Variants in RAI14 observed in about 807,000 individuals in gnomAD.
RAI14 encodes ankycorbin.
In RAI14, 45 loss-of-function variants were observed where a neutral mutation model predicts 115.4. The observed-to-expected ratio is 0.39, with a 90% CI of 0.31 to 0.50. The LOEUF is 0.50. RAI14 is among the 20% of genes least tolerant of loss of function. RAI14 has a pLI of 0.85. For synonymous variants in RAI14, 371 were observed against 415.4 expected, an observed-to-expected ratio of 0.89 and a Z score of 1.30; for missense variants, 939 against 1,131.2, an observed-to-expected ratio of 0.83 and a Z score of 2.44.
intron 3 of RAI14, among the ~76,000 whole-genome samples, chr5:34,769,941 C>T (rs543395922): frequency 6.6e-6 from 1 of 152,122 alleles, no homozygotes; most frequent in African/African-American, 2.4e-5. Flanking sequence ...GTTGGCCAGG[C>T]TGGTCTTAAA....
chr5:34,700,197 T>C (rs1739881905), intron 2 of RAI14, among the ~76,000 whole-genome samples: 1 of 152,172 alleles, frequency 6.6e-6, no homozygotes, highest in Non-Finnish European at 1.5e-5. Context: ...TGTGAAGGTT[T>C]GGTGCACAGT....
chr5:34,721,291 G>GTA (rs10538679), intron 2 of RAI14, among the ~76,000 whole-genome samples: 18,946 of 129,534 alleles, frequency 0.15, 1,262 homozygotes, highest in East Asian at 0.22. Flanking sequence ...ATGTAGATGT[G>GTA]TATATATATA....
At chr5:34,829,021 T>A (rs2150315469) in intron 16 of RAI14, among the ~76,000 whole-genome samples, 1 of 152,270 alleles carries the variant, frequency 6.6e-6, no homozygotes, top group East Asian at 1.9e-4. Flanking sequence ...TTTCCATAAT[T>A]CAATAACTCT....
In RAI14 at chr5:34,764,953, G is replaced by A. The variant is rs1293741183; in HGVS notation, c.167+7355G>A. On this transcript the variant is annotated intron_variant, in intron 3 of 17. Coordinates refer to ENST00000265109, the MANE Select transcript of RAI14 (RefSeq NM_015577.3). ...TGGTGGGAGATAAGTTGAATCCTGG[G>A]GGCAGTTTCCCCCATACTGTTCTTG... Among the ~76,000 whole-genome samples the A allele has an allele frequency of 1.3e-5, 2 of 152,146 alleles. 1 individual carries two copies. The highest frequency in any genetic ancestry group is 4.1e-4 in the South Asian group (2 of 4,820).
chr5:34,679,513 G>C (rs562413512), intron 1 of RAI14, among the ~76,000 whole-genome samples: 1 of 151,432 alleles, frequency 6.6e-6, no homozygotes, highest in Non-Finnish European at 1.5e-5. Flanking sequence ...GTTGATTTGT[G>C]GGGGGAATCC....
chr5:34,747,765 T>A (rs1181793162), intron 2 of RAI14, among the ~76,000 whole-genome samples: 1 of 152,058 alleles, frequency 6.6e-6, no homozygotes, highest in African/African-American at 2.4e-5. Flanking sequence ...AAGGTAGAAA[T>A]GAGAAAAACA....
chr5:34,737,256 T>TCTGC (rs1044015811), intron 2 of RAI14, among the ~76,000 whole-genome samples: 7 of 151,956 alleles, frequency 4.6e-5, no homozygotes, highest in African/African-American at 1.7e-4. Flanking sequence ...ATACTCCTAA[T>TCTGC]GTAGTGCAGG....
intron 3 of RAI14, 152 bp downstream of exon 3, chr5:34,757,750 T>C: frequency 9.6e-7 from 1 of 1,043,562 alleles, no homozygotes; most frequent in Non-Finnish European, 1.3e-6. Context: ...AGTGCCTTTC[T>C]CTCCAAATTC....
intron 2 of RAI14, among the ~76,000 whole-genome samples, chr5:34,710,513 G>GACTCTAGGGCCCTTAGCCTC (rs1258963716): frequency 6.6e-6 from 1 of 152,214 alleles, no homozygotes; most frequent in Non-Finnish European, 1.5e-5. Context: ...GGATTGGACT[G>GACTCTAGGGCCCTTAGCCTC]ACTCTAGGGC....
At chr5:34,780,497 A>G (rs1289202697) in intron 3 of RAI14, among the ~76,000 whole-genome samples, 6 of 152,226 alleles carry the variant, frequency 3.9e-5, no homozygotes, top group Admixed American at 3.9e-4. Flanking sequence ...AATATCCAGA[A>G]TCTACAAAGA....
chr5:34,820,395 T>C (rs905607725), intron 13 of RAI14, among the ~76,000 whole-genome samples: 5 of 152,244 alleles, frequency 3.3e-5, no homozygotes, highest in East Asian at 1.9e-4. Context: ...GCCTGGCCAA[T>C]GTGGCAAAAC....
At chr5:34,673,843 G>T (rs564838864) in intron 1 of RAI14, among the ~76,000 whole-genome samples, 1 of 152,314 alleles carries the variant, frequency 6.6e-6, no homozygotes, top group East Asian at 1.9e-4. Context: ...CTCACCCAGA[G>T]AGGAAGGTCT....
chr5:34,693,928 C>T (rs1307168090), intron 2 of RAI14, among the ~76,000 whole-genome samples: 1 of 152,170 alleles, frequency 6.6e-6, no homozygotes, highest in Non-Finnish European at 1.5e-5. Context: ...TTCCTGAGAG[C>T]CAAATGCATT....
chr5:34,826,284 T>C, intron 15 of RAI14, 46 bp from the exon 16 acceptor site: 1 of 1,560,860 alleles, frequency 6.4e-7, no homozygotes, highest in South Asian at 1.2e-5. Flanking sequence ...AATTTTGCTT[T>C]GTAGACATGT....
intron 1 of RAI14, chr5:34,685,784 T>G (rs995814729): frequency 6.6e-6 from 1 of 152,164 alleles, no homozygotes; most frequent in Admixed American, 6.5e-5. Context: ...TAGAATCCAG[T>G]GAAAACTCAG....
intron 3 of RAI14, among the ~76,000 whole-genome samples, chr5:34,779,458 G>A (rs1302369746): frequency 1.3e-5 from 2 of 152,170 alleles, no homozygotes; most frequent in East Asian, 3.8e-4. Context: ...TGACATGATT[G>A]TATATCTAGA....
chr5:34,682,271 A>C (rs1170362474), intron 1 of RAI14, among the ~76,000 whole-genome samples: 1 of 152,194 alleles, frequency 6.6e-6, no homozygotes, highest in Non-Finnish European at 1.5e-5. Context: ...CACCTCCTGA[A>C]AGTGTACAAA....
At chr5:34,744,673 T>A (rs1373420359) in intron 2 of RAI14, among the ~76,000 whole-genome samples, 2 of 152,232 alleles carry the variant, frequency 1.3e-5, no homozygotes, top group African/African-American at 4.8e-5. Flanking sequence ...GATGCTTATA[T>A]TTTCTTTGCC....
At chr5:34,677,398 G>T (rs955736544) in intron 1 of RAI14, among the ~76,000 whole-genome samples, 1 of 151,830 alleles carries the variant, frequency 6.6e-6, no homozygotes, top group Non-Finnish European at 1.5e-5. Context: ...TTCTGCACCC[G>T]CCTTGCCCTT....
Sources: gnomAD v4.1 joint callset for allele counts (sites outside exome capture counted in the v4.1 genomes callset) on GRCh38, gnomAD v4.1.1 for gene constraint, MANE v1.5 for transcripts, NCBI Gene and HGNC (gene_info 2026-07-23, HGNC 2026-07-21) for gene names.